Variants in ABCA13 observed in about 807,000 individuals in gnomAD.
ABCA13 encodes the protein ATP binding cassette subfamily A member 13.
In ABCA13, 476 loss-of-function variants were observed where a neutral mutation model predicts 478.7. That is an observed-to-expected ratio of 0.99 (90% CI 0.92 to 1.07). The LOEUF is 1.07. Ranked by LOEUF, ABCA13 falls within the 50% of genes least tolerant of loss-of-function variation. The pLI is 0.00. For missense variants in ABCA13, 6,060 were observed against 5,910.6 expected, an observed-to-expected ratio of 1.03 and a Z score of -0.83; for synonymous variants, 2,252 against 2,158.9, an observed-to-expected ratio of 1.04 and a Z score of -1.20.
intron 57 of ABCA13, among the ~76,000 whole-genome samples, chr7:48,587,622 T>C (rs542879099): frequency 2.2e-4 from 33 of 152,356 alleles, no homozygotes; most frequent in Middle Eastern, 3.4e-3. Flanking sequence ...TTTATGTCTT[T>C]TTCTGTGTGT....
At chr7:48,465,717 G>C (rs1465877530) in intron 43 of ABCA13, among the ~76,000 whole-genome samples, 1 of 151,964 alleles carries the variant, frequency 6.6e-6, no homozygotes, top group Non-Finnish European at 1.5e-5. Flanking sequence ...TCTTCTAGCT[G>C]TTTTGAAAAT....
rs552444565 is a variant in ABCA13, at chr7:48,219,143, G to T, written c.288-211G>T. ...TTCAGATAATACAGAGAATGAGAAC[G>T]ATTTTCTAATTTTAAATTTGTGAAG... is the stretch of plus-strand genomic sequence containing the variant. On this transcript the variant is annotated intron_variant, in intron 3 of 61. Transcript: ENST00000435803. Among the ~76,000 whole-genome samples the T allele has an allele frequency of 7.9e-4, 121 of 152,238 alleles. 1 individual carries two copies. The highest frequency in any genetic ancestry group is 2.8e-3 in the African/African-American group (115 of 41,532).
chr7:48,524,338 T>A lies in ABCA13; in HGVS notation c.14142T>A (p.Asn4714Lys). 6.2e-7 allele frequency: 1 copy of A among 1,613,292 alleles called. No homozygotes were observed. Among genetic ancestry groups the A allele is most frequent in the Non-Finnish European group, 8.5e-7 (1 of 1,179,538 alleles). ...AGAGAGTGTTTGAAGGAAGGACCAA[T>A]GGAGACATTCTTGTGTTATACAACC... ...EEKRVFEGRT[N>K]GDILVLYNLS... Residue 4714 changes from asparagine to lysine, a missense_variant, in exon 54 of 62, where the codon AAT (asparagine) becomes AAA (lysine). By Grantham distance (94) the Asn-to-Lys change is moderately conservative (BLOSUM62 0). Coordinates refer to ENST00000435803, the MANE Select transcript of ABCA13 (RefSeq NM_152701.5).
chr7:48,232,139 A>ATTTGTTTTTTTTTT (rs1789202047), intron 7 of ABCA13, among the ~76,000 whole-genome samples: 1 of 51,318 alleles, frequency 1.9e-5, no homozygotes, highest in Admixed American at 2.3e-4. Flanking sequence ...CCCACATGGA[A>ATTTGTTTTTTTTTT]TTTTTTTTTT....
At chr7:48,186,406 T>C (rs1252243297) in intron 1 of ABCA13, among the ~76,000 whole-genome samples, 4 of 152,110 alleles carry the variant, frequency 2.6e-5, no homozygotes, top group Non-Finnish European at 5.9e-5. Context: ...TCTTCAGTAA[T>C]TCTAATTATT....
At position 48,248,395 on chromosome 7, in the gene ABCA13, G is replaced by A. The variant is rs777764271; in HGVS notation, c.1816G>A (p.Glu606Lys). Reference sequence around the variant, plus strand: ...GCTGCTGGGAGCTGATCCCTCTCCTGAGAATGATGTCTTTTCTAGTGACTG... The same window carrying A: ...GCTGCTGGGAGCTGATCCCTCTCCTAAGAATGATGTCTTTTCTAGTGACTG... Reference protein sequence around the residue: ...FLLLGADPSPENDVFSSDCKH... With the variant: ...FLLLGADPSPKNDVFSSDCKH... The change falls in exon 14 of 62, where the codon GAG becomes AAG. Residue 606 changes from glutamate (E) to lysine (K), a missense_variant. By Grantham distance (56) the Glu-to-Lys change is moderately conservative (BLOSUM62 1). Transcript: ENST00000435803. 1 of 1,613,278 alleles carries A rather than the reference G, an allele frequency of 6.2e-7. No homozygotes were observed. The highest frequency in any genetic ancestry group is 1.1e-5 in the South Asian group (1 of 90,946).
At chr7:48,346,111 T>C (rs1808057922) in intron 29 of ABCA13, among the ~76,000 whole-genome samples, 1 of 152,182 alleles carries the variant, frequency 6.6e-6, no homozygotes, top group Non-Finnish European at 1.5e-5. Context: ...ATTGTGTAAG[T>C]CCACTCTGTG....
In ABCA13 at chr7:48,317,241, A is replaced by G. The variant is rs756469823; in HGVS notation, c.9944A>G (p.His3315Arg). The G allele has an allele frequency of 5.6e-6, 9 of 1,613,712 alleles. No individual in the cohort carries two copies. Among genetic ancestry groups the G allele is most frequent in the South Asian group, 1.1e-5 (1 of 91,018 alleles). Residue 3315 changes from histidine to arginine, a missense_variant, in exon 27 of 62, where the codon CAT (histidine) becomes CGT (arginine). His to Arg is a conservative substitution (Grantham distance 29, BLOSUM62 0). Transcript: ENST00000435803. ...LVWTFLKPIL[H>R]GKILYTPNTP... The stretch of plus-strand genomic sequence containing the variant: ...TGGACCTTCCTAAAACCCATATTGC[A>G]TGGAAAAATACTATACACACCAAAC...
chr7:48,564,915 G>T (rs1310546866), intron 55 of ABCA13, among the ~76,000 whole-genome samples: 1 of 152,024 alleles, frequency 6.6e-6, no homozygotes, highest in Non-Finnish European at 1.5e-5. Flanking sequence ...TGACTTGCTT[G>T]ATCTCTAACA....
rs1795885787 is a variant in ABCA13, at chr7:48,273,419, G to T, written c.3753G>T (p.Glu1251Asp). ...ALVSVKKLNLEQVEKSLFTME... is the reference protein window; with the variant it reads ...ALVSVKKLNLDQVEKSLFTME... ...TTTCAGTAAAAAAACTTAACTTGGAGCAAGTGGAGAAATCCCTTTTCACCA... is the reference window on the plus strand; with the variant it reads ...TTTCAGTAAAAAAACTTAACTTGGATCAAGTGGAGAAATCCCTTTTCACCA... Residue 1251 changes from glutamate (E) to aspartate (D), a missense_variant, in exon 17 of 62, where the codon GAG (glutamate) becomes GAT (aspartate). This residue lies in a region of ABCA13 where 4,423 missense variants were observed against 4,309.1 expected (regional missense o/e 1.03). Transcript: ENST00000435803. 6.2e-7 allele frequency: 1 copy of T among 1,613,302 alleles called. No homozygotes were observed. Among genetic ancestry groups the T allele is most frequent in the Non-Finnish European group, 8.5e-7 (1 of 1,179,636 alleles).
At chr7:48,574,831 A>T (rs145352979) in intron 55 of ABCA13, among the ~76,000 whole-genome samples, 1 of 152,298 alleles carries the variant, frequency 6.6e-6, no homozygotes, top group African/African-American at 2.4e-5. Flanking sequence ...TGGGATTTGA[A>T]TCTTTAATTC....
chr7:48,328,951 C>G (rs114648661), intron 27 of ABCA13, among the ~76,000 whole-genome samples: 1,855 of 152,126 alleles, frequency 0.012, 33 homozygotes, highest in African/African-American at 0.043. Context: ...CGTGTGAAGT[C>G]TTTGAGGCCA....
At chr7:48,486,651 G>A (rs1829331999) in intron 47 of ABCA13, among the ~76,000 whole-genome samples, 1 of 152,106 alleles carries the variant, frequency 6.6e-6, no homozygotes, top group East Asian at 1.9e-4. Context: ...CCACAATAAT[G>A]CTCTATAACA....
At chr7:48,427,496 G>C (rs992435728) in intron 41 of ABCA13, among the ~76,000 whole-genome samples, 3 of 152,182 alleles carry the variant, frequency 2.0e-5, no homozygotes, top group Non-Finnish European at 4.4e-5. Context: ...GCCTACCACT[G>C]CCTATGCATT....
intron 59 of ABCA13, among the ~76,000 whole-genome samples, chr7:48,621,570 A>G (rs561656233): frequency 6.6e-6 from 1 of 152,284 alleles, no homozygotes; most frequent in African/African-American, 2.4e-5. Flanking sequence ...CAAATTCTAC[A>G]TTCATTATTT....
At chr7:48,289,641 G>T (rs906266416) in intron 20 of ABCA13, among the ~76,000 whole-genome samples, 1 of 152,110 alleles carries the variant, frequency 6.6e-6, no homozygotes, top group African/African-American at 2.4e-5. Flanking sequence ...TTACAGGCAT[G>T]AGCCACCTCG....
intron 15 of ABCA13, 88 bp from the exon 16 acceptor site, chr7:48,268,892 A>T: frequency 4.2e-5 from 16 of 378,470 alleles, no homozygotes; most frequent in East Asian, 1.8e-4. Flanking sequence ...CAACCATATT[A>T]GGTGAACTAC....
intron 20 of ABCA13, among the ~76,000 whole-genome samples, chr7:48,291,053 A>G (rs1487000132): frequency 3.3e-5 from 5 of 150,440 alleles, no homozygotes; most frequent in Admixed American, 1.3e-4. Context: ...TGGAGTCTTG[A>G]GGCTGGACCT....
rs2129125990 is a variant in ABCA13 at position 48,422,763 on chromosome 7, C to G, written c.12460-5003C>G. ...AAGTGTTACCCATATGGGACTGTGG[C>G]AGGAGATATCCCAAATTATCTGGGT... On this transcript the variant is annotated intron_variant, in intron 41 of 61. Coordinates refer to ENST00000435803, the MANE Select transcript of ABCA13 (RefSeq NM_152701.5). Among the ~76,000 whole-genome samples, 3 of 152,240 alleles carry G rather than the reference C, an allele frequency of 2.0e-5. No homozygotes were observed. In the South Asian group the frequency reaches 6.2e-4, roughly 32 times the overall value.
Sources: allele counts gnomAD v4.1 joint callset (sites outside exome capture counted in the v4.1 genomes callset), GRCh38; gene constraint gnomAD v4.1.1; regional missense constraint gnomAD v4.1.1; transcripts MANE v1.5; gene names NCBI Gene and HGNC (gene_info 2026-07-23, HGNC 2026-07-21).